CTSL: variants seen among roughly 807,000 people sequenced by gnomAD.
CTSL encodes the protein procathepsin L.
CTSL carries 23 observed loss-of-function variants against 34.7 expected under a neutral mutation model. The observed-to-expected ratio is 0.66, with a 90% CI of 0.48 to 0.94. The LOEUF (loss-of-function observed/expected upper bound fraction) is 0.94. CTSL is among the 40% of genes least tolerant of loss of function. The probability of loss-of-function intolerance (pLI) is 0.00; values close to 1 mark genes in which losing one functional copy is unlikely to be tolerated. For missense variants in CTSL, 361 were observed against 406.3 expected (o/e 0.89, Z 0.96); for synonymous variants, 129 against 136.7 (o/e 0.94, Z 0.39).
Position 87,728,565 on chromosome 9 carries a change from T to A in CTSL, c.397-20T>A. The A allele has an allele frequency of 6.3e-7, 1 of 1,598,604 alleles. No homozygotes were observed. The highest frequency in any genetic ancestry group is 1.7e-4 in the Middle Eastern group (1 of 5,876). ...TATTTTTTTTTTGTGGATGACAGCT[T>A]TTTTTAATTCCCTTTTCAGGGTCAG... is the stretch of plus-strand genomic sequence containing the variant. On this transcript the variant is annotated intron_variant, in intron 4 of 7. Coordinates refer to ENST00000343150, the MANE Select transcript of CTSL (RefSeq NM_001912.5).
rs892633017 is a variant in CTSL at position 87,731,288 on chromosome 9, C to T, written c.*181C>T. On this transcript the variant is annotated 3_prime_UTR_variant, in exon 8 of 8. Coordinates refer to ENST00000343150, the MANE Select transcript of CTSL (RefSeq NM_001912.5). The stretch of plus-strand genomic sequence containing the variant: ...AATGTTACCTCTATTTTAATTACTG[C>T]TATAAATAGGTTTATATTATTGATT... The T allele has an allele frequency of 2.2e-6, 1 of 460,062 alleles. No homozygotes were observed. The highest frequency in any genetic ancestry group is 3.9e-6 in the Non-Finnish European group (1 of 258,562). 28.5% of individuals were successfully genotyped at this position (460,062 alleles called of 1,614,324 possible). A position where few individuals can be genotyped will look rare whatever the true frequency, so the allele number is the denominator to read the frequency against.
chr9:87,729,887 T>C (rs1179285030), intron 6 of CTSL, 152 bp downstream of exon 6: 4 of 654,718 alleles, frequency 6.1e-6, no homozygotes. Context: ...TATTTATACC[T>C]GATGTTTCCA....
Position 87,727,616 on chromosome 9 carries a change from C to G in CTSL, c.13C>G (p.Leu5Val). 1 of 1,614,124 alleles carries G rather than the reference C, an allele frequency of 6.2e-7. No homozygotes were observed. Among genetic ancestry groups the G allele is most frequent in the Non-Finnish European group, 8.5e-7 (1 of 1,180,028 alleles). The change falls in exon 2 of 8, where the codon CTC becomes GTC. Residue 5 changes from leucine (L) to valine (V), a missense_variant. Coordinates refer to ENST00000343150, the MANE Select transcript of CTSL (RefSeq NM_001912.5). Reference protein sequence around the residue: MNPTLILAAFCLGIA... With the variant: MNPTVILAAFCLGIA... The stretch of plus-strand genomic sequence containing the variant: ...TAGGTTTTAAAACATGAATCCTACA[C>G]TCATCCTTGCTGCCTTTTGCCTGGG...
intron 2 of CTSL, 142 bp from the exon 3 acceptor site, chr9:87,727,885 A>G: frequency 7.1e-7 from 1 of 1,413,416 alleles, no homozygotes; most frequent in Non-Finnish European, 9.8e-7. Flanking sequence ...GTTGTGTCTC[A>G]GTTTGGAGAA....
At chr9:87,728,868 A>G in intron 5 of CTSL, 59 bp downstream of exon 5, 1 of 1,610,780 alleles carries the variant, frequency 6.2e-7, no homozygotes, top group Non-Finnish European at 8.5e-7. Flanking sequence ...ACACTTTAAG[A>G]GATAACAGAT....
chr9:87,729,802 A>T, intron 6 of CTSL, 67 bp downstream of exon 6: 1 of 1,487,352 alleles, frequency 6.7e-7, no homozygotes, highest in Non-Finnish European at 9.1e-7. Context: ...AGCATGATAG[A>T]CTCTGGTTTG....
Position 87,730,518 on chromosome 9 carries a change from C to T in CTSL, c.902+20C>T, listed in dbSNP as rs778645708. On this transcript the variant is annotated intron_variant, in intron 7 of 7. Transcript: ENST00000343150. ...GAACAGGTATAAATTGCCAGAAATA[C>T]TTACATTTGAAATTCAAAAGAGAAT... 1 of 1,510,074 alleles carries T rather than the reference C, an allele frequency of 6.6e-7. No homozygotes were observed. 93.5% of individuals were successfully genotyped at this position (1,510,074 alleles called of 1,614,324 possible).
rs953420708 is a variant in CTSL, at chr9:87,729,982, A to G, written c.784+247A>G. On this transcript the variant is annotated intron_variant, in intron 6 of 7. Coordinates refer to ENST00000343150, the MANE Select transcript of CTSL (RefSeq NM_001912.5). Reference sequence around the variant, plus strand: ...AGCTATATTTACTGTGTAGTTTAATATACTTAAAATATTCTGCAATTGTTG... The same window carrying G: ...AGCTATATTTACTGTGTAGTTTAATGTACTTAAAATATTCTGCAATTGTTG... 2.0e-5 allele frequency among the ~76,000 whole-genome samples: 3 copies of G among 152,338 alleles called. No homozygotes were observed. In the East Asian group the frequency reaches 5.8e-4, roughly 29 times the overall value.
chr9:87,730,423 A>G lies in CTSL; in HGVS notation c.827A>G (p.His276Arg). ...GACTGTAGCAGTGAAGACATGGATC[A>G]TGGTGTGCTGGTGGTTGGCTACGGA... ...EPDCSSEDMD[H>R]GVLVVGYGFE... Residue 276 changes from histidine (H) to arginine (R), a missense_variant, in exon 7 of 8, where the codon CAT (histidine) becomes CGT (arginine). Physicochemically the swap from His to Arg is conservative, Grantham distance 29. Coordinates refer to ENST00000343150, the MANE Select transcript of CTSL (RefSeq NM_001912.5). 6.2e-7 allele frequency: 1 copy of G among 1,613,148 alleles called. No individual in the cohort carries two copies. The highest frequency in any genetic ancestry group is 8.5e-7 in the Non-Finnish European group (1 of 1,179,668).
At chr9:87,729,923 C>T (rs945727785) in intron 6 of CTSL, among the ~76,000 whole-genome samples, 188 bp downstream of exon 6, 1 of 152,160 alleles carries the variant, frequency 6.6e-6, no homozygotes, top group Non-Finnish European at 1.5e-5. Context: ...CGTATATCTC[C>T]ATGAATATAA....
chr9:87,727,971 G>A (rs1490774162), intron 2 of CTSL, 56 bp from the exon 3 acceptor site: 1 of 1,606,198 alleles, frequency 6.2e-7, no homozygotes, highest in African/African-American at 1.3e-5. Context: ...CACTTGGTGA[G>A]GATGAGTTGG....
intron 1 of CTSL, 95 bp downstream of exon 1, chr9:87,726,493 G>A (rs560131675): frequency 6.6e-6 from 1 of 152,444 alleles, no homozygotes; most frequent in Admixed American, 6.5e-5. Context: ...TACTCCTGCT[G>A]GCGTCACCGC....
intron 4 of CTSL, 36 bp from the exon 5 acceptor site, chr9:87,728,549 T>A: frequency 6.3e-7 from 1 of 1,590,638 alleles, no homozygotes; most frequent in Non-Finnish European, 8.5e-7. Flanking sequence ...TTATTTTTTT[T>A]TTGTGGATGA....
At chr9:87,729,935 T>A (rs1364978245) in intron 6 of CTSL, among the ~76,000 whole-genome samples, 200 bp downstream of exon 6, 1 of 152,242 alleles carries the variant, frequency 6.6e-6, no homozygotes, top group African/African-American at 2.4e-5. Context: ...TGAATATAAG[T>A]ACTTCATAAC....
Position 87,731,225 on chromosome 9 carries a change from G to A in CTSL, c.*118G>A, listed in dbSNP as rs944939441. 63 of 627,474 alleles carry A rather than the reference G, an allele frequency of 1.0e-4. No individual in the cohort carries two copies. Among genetic ancestry groups the A allele is most frequent in the Admixed American group, 1.7e-4 (6 of 35,820 alleles). The allele number at this position is 627,474 out of a possible 1,614,324, so 38.9% of individuals were successfully genotyped here. ...TACACACTCGAATCATTGAAGATCC[G>A]AGTGTGATTTGAATTCTGTGATATT... is the stretch of plus-strand genomic sequence containing the variant. On this transcript the variant is annotated 3_prime_UTR_variant, in exon 8 of 8. Coordinates refer to ENST00000343150, the MANE Select transcript of CTSL (RefSeq NM_001912.5).
At position 87,726,199 on chromosome 9, in the gene CTSL, G is replaced by C. The variant is rs1000652961; in HGVS notation, c.-210G>C. ...ACGACCGCAGCAGGAAAGCGCCGCC[G>C]GCCAGGCCCAGCTGTGGCCGGACAG... On this transcript the variant is annotated 5_prime_UTR_variant, in exon 1 of 8. Coordinates refer to ENST00000343150, the MANE Select transcript of CTSL (RefSeq NM_001912.5). 1.3e-5 allele frequency: 2 copies of C among 152,562 alleles called. No individual in the cohort carries two copies. The highest frequency in any genetic ancestry group is 1.5e-5 in the Non-Finnish European group (1 of 68,188). 9.5% of individuals were successfully genotyped at this position (152,562 alleles called of 1,614,324 possible). A position where few individuals can be genotyped will look rare whatever the true frequency, so the allele number is the denominator to read the frequency against.
rs1394118388 is a variant in CTSL at position 87,728,604 on chromosome 9, G to A, written c.416G>A (p.Trp139Ter). Residue 139 changes from tryptophan (W) to a stop codon, truncating the protein, a stop_gained, in exon 5 of 8, where the codon TGG (tryptophan) becomes TAG (stop). Transcript: ENST00000343150. LOFTEE classifies it high-confidence loss of function. ...VKNQGQCGSCWAFSATGALEG... is the reference protein window; with the variant it reads ...VKNQGQCGSC ...TTTCAGGGTCAGTGTGGTTCTTGTT[G>A]GGCTTTTAGTGCTACTGGTGCTCTT... 1 of 1,613,864 alleles carries A rather than the reference G, an allele frequency of 6.2e-7. No homozygotes were observed. The highest frequency in any genetic ancestry group is 1.3e-5 in the African/African-American group (1 of 74,926).
intron 5 of CTSL, 61 bp from the exon 6 acceptor site, chr9:87,729,512 C>T: frequency 6.8e-7 from 1 of 1,470,470 alleles, no homozygotes; most frequent in Non-Finnish European, 9.4e-7. Flanking sequence ...GGTTCTAACT[C>T]ATGTTCTCCA....
chr9:87,730,486 T>A lies in CTSL; in HGVS notation c.890T>A (p.Leu297Gln). 1 of 1,607,592 alleles carries A rather than the reference T, an allele frequency of 6.2e-7. No individual in the cohort carries two copies. The highest frequency in any genetic ancestry group is 1.1e-5 in the South Asian group (1 of 90,072). The change falls in exon 7 of 8, where the codon CTG becomes CAG. Residue 297 changes from leucine to glutamine, a missense_variant. Transcript: ENST00000343150. The stretch of plus-strand genomic sequence containing the variant: ...GAATCAGATAACAATAAATATTGGC[T>A]GGTGAAGAACAGGTATAAATTGCCA... The part of the protein sequence containing the change: ...STESDNNKYW[L>Q]VKNSWGEEWG...
Sources: gnomAD v4.1 joint callset for allele counts (sites outside exome capture counted in the v4.1 genomes callset) on GRCh38, gnomAD v4.1.1 for gene constraint, MANE v1.5 for transcripts, NCBI Gene and HGNC (gene_info 2026-07-23, HGNC 2026-07-21) for gene names.